Variants in TRAF4 observed in about 807,000 individuals in gnomAD.
The protein encoded by TRAF4 is TNF receptor-associated factor 4.
In TRAF4, 9 loss-of-function variants were observed where a neutral mutation model predicts 47.3. The ratio of observed to expected loss-of-function variants is 0.19; its 90% CI spans 0.11 to 0.33. The LOEUF (loss-of-function observed/expected upper bound fraction) is 0.33. Ranked by LOEUF, TRAF4 falls within the 10% of genes least tolerant of loss-of-function variation. TRAF4 has a pLI of 1.00. For synonymous variants in TRAF4, 236 were observed against 236.9 expected, an observed-to-expected ratio of 1.00 and a Z score of 0.04; for missense variants, 448 against 620.3, an observed-to-expected ratio of 0.72 and a Z score of 2.95.
intron 1 of TRAF4, chr17:28,746,933 G>A: frequency 2.7e-6 from 1 of 369,170 alleles, no homozygotes; most frequent in Non-Finnish European, 4.9e-6. Flanking sequence ...CTGCCATCCT[G>A]GGGGAGGGGG....
At chr17:28,748,792 C>T in intron 6 of TRAF4, 126 bp downstream of exon 6, 2 of 1,490,682 alleles carry the variant, frequency 1.3e-6, no homozygotes, top group Non-Finnish European at 8.9e-7. Flanking sequence ...GTCCTTCCCT[C>T]TGCTGCCAGC....
chr17:28,749,641 T>C lies in TRAF4; in HGVS notation c.*64T>C. The C allele has an allele frequency of 6.3e-7, 1 of 1,580,358 alleles. No individual in the cohort carries two copies. The highest frequency in any genetic ancestry group is 1.8e-4 in the Middle Eastern group (1 of 5,682). Reference sequence around the variant, plus strand: ...GACCTCAGTCAGGCACTGGCTGAACTTGGAGAGGGGGCCGGACCCCCGTCA... The same window carrying C: ...GACCTCAGTCAGGCACTGGCTGAACCTGGAGAGGGGGCCGGACCCCCGTCA... On this transcript the variant is annotated 3_prime_UTR_variant, in exon 7 of 7. Coordinates refer to ENST00000262395, the MANE Select transcript of TRAF4 (RefSeq NM_004295.4).
chr17:28,747,958 G>C lies in TRAF4; in HGVS notation c.300+11G>C. On this transcript the variant is annotated intron_variant, in intron 3 of 6. Transcript: ENST00000262395. ...CTACGTCATCTACAGGTGAGGCTCT[G>C]ATGTGAGGGCTGGCACCACCTCTCC... is the stretch of plus-strand genomic sequence containing the variant. The C allele has an allele frequency of 6.2e-7, 1 of 1,614,138 alleles. No homozygotes were observed.
At chr17:28,745,061 G>C (rs1359334855) in intron 1 of TRAF4, 1 of 152,396 alleles carries the variant, frequency 6.6e-6, no homozygotes, top group East Asian at 1.9e-4. Flanking sequence ...GTGGGAAGCA[G>C]GGTGAAGGAG....
intron 1 of TRAF4, 26 bp downstream of exon 1, chr17:28,744,281 C>A: frequency 5.7e-6 from 1 of 174,020 alleles, no homozygotes; most frequent in Non-Finnish European, 1.0e-5. Flanking sequence ...CAGGGGACAG[C>A]GGGGGCGGGG....
At chr17:28,746,479 G>C (rs2034514637) in intron 1 of TRAF4, among the ~76,000 whole-genome samples, 1 of 152,214 alleles carries the variant, frequency 6.6e-6, no homozygotes, top group Non-Finnish European at 1.5e-5. Context: ...AGCTGTGCTT[G>C]CTGGACATTT....
At position 28,749,201 on chromosome 17, in the gene TRAF4, T is replaced by C; in HGVS notation, c.1037T>C (p.Leu346Pro). 6.2e-7 allele frequency: 1 copy of C among 1,614,106 alleles called. No homozygotes were observed. Among genetic ancestry groups the C allele is most frequent in the Non-Finnish European group, 8.5e-7 (1 of 1,180,048 alleles). The change falls in exon 7 of 7, where the codon CTG becomes CCG. Residue 346 changes from leucine (L) to proline (P), a missense_variant. By Grantham distance (98) the Leu-to-Pro change is moderately conservative. Coordinates refer to ENST00000262395, the MANE Select transcript of TRAF4 (RefSeq NM_004295.4). The part of the protein sequence containing the change: ...AFYTHKYGYK[L>P]QVSAFLNGNG... ...TACACACATAAGTATGGTTACAAGCTGCAGGTGTCTGCATTCCTCAATGGC... is the reference window on the plus strand; with the variant it reads ...TACACACATAAGTATGGTTACAAGCCGCAGGTGTCTGCATTCCTCAATGGC...
intron 2 of TRAF4, chr17:28,747,614 C>T: frequency 1.7e-6 from 1 of 593,568 alleles, no homozygotes; most frequent in South Asian, 2.1e-5. Context: ...ATTGAGCAGG[C>T]TGATTGGCTG....
chr17:28,749,225 G>A lies in TRAF4; in HGVS notation c.1061G>A (p.Gly354Asp). ...YKLQVSAFLN[G>D]NGSGEGTHLS... ...CTGCAGGTGTCTGCATTCCTCAATG[G>A]CAATGGCAGTGGTGAGGGCACACAC... Residue 354 changes from glycine (G) to aspartate (D), a missense_variant, in exon 7 of 7, where the codon GGC becomes GAC. Coordinates refer to ENST00000262395, the MANE Select transcript of TRAF4 (RefSeq NM_004295.4). 1 of 1,614,098 alleles carries A rather than the reference G, an allele frequency of 6.2e-7. No individual in the cohort carries two copies. The highest frequency in any genetic ancestry group is 8.5e-7 in the Non-Finnish European group (1 of 1,180,048).
In TRAF4 at chr17:28,744,060, G is replaced by C. The variant is rs1404298263; in HGVS notation, c.-53G>C. On this transcript the variant is annotated 5_prime_UTR_variant, in exon 1 of 7. Coordinates refer to ENST00000262395, the MANE Select transcript of TRAF4 (RefSeq NM_004295.4). ...GCGCCGCTCCAGCGAGGCGCGGGCT[G>C]TGGGGCCGCCGCGTGCCTGGCCCCG... The C allele has an allele frequency of 7.9e-6, 10 of 1,269,880 alleles. No individual in the cohort carries two copies. Among genetic ancestry groups the C allele is most frequent in the African/African-American group, 1.6e-5 (1 of 62,666 alleles). 78.7% of individuals were successfully genotyped at this position (1,269,880 alleles called of 1,614,324 possible).
chr17:28,745,772 C>T (rs1393117050), intron 1 of TRAF4, among the ~76,000 whole-genome samples: 1 of 152,230 alleles, frequency 6.6e-6, no homozygotes, highest in East Asian at 1.9e-4. Context: ...TCACCCGCCA[C>T]GGTACAAGCA....
chr17:28,748,893 C>A, intron 6 of TRAF4, 52 bp from the exon 7 acceptor site: 2 of 1,560,766 alleles, frequency 1.3e-6, no homozygotes, highest in Admixed American at 3.6e-5. Flanking sequence ...CTGGACCTCC[C>A]CCTACTGATA....
Position 28,749,550 on chromosome 17 carries a change from T to G in TRAF4, c.1386T>G (p.Val462=). The G allele has an allele frequency of 6.2e-7, 1 of 1,613,340 alleles. No homozygotes were observed. The highest frequency in any genetic ancestry group is 8.5e-7 in the Non-Finnish European group (1 of 1,179,780). ...ATGCAGTCTTCATCCGTGCTGCTGT[T>G]GAACTGCCCCGGAAGATCCTCAGCT... is the stretch of plus-strand genomic sequence containing the variant. ...RDDAVFIRAA[V]ELPRKILS is the part of the protein sequence containing the mutation. Residue 462 remains valine, a synonymous_variant, in exon 7 of 7, where the codon GTT becomes GTG. Coordinates refer to ENST00000262395, the MANE Select transcript of TRAF4 (RefSeq NM_004295.4).
At chr17:28,746,239 C>T (rs993874802) in intron 1 of TRAF4, among the ~76,000 whole-genome samples, 1 of 152,220 alleles carries the variant, frequency 6.6e-6, no homozygotes, top group African/African-American at 2.4e-5. Context: ...ATGCCCTGCC[C>T]CAGGGCCCTG....
At position 28,747,956 on chromosome 17, in the gene TRAF4, C is replaced by T; in HGVS notation, c.300+9C>T. ...CACTACGTCATCTACAGGTGAGGCT[C>T]TGATGTGAGGGCTGGCACCACCTCT... is the stretch of plus-strand genomic sequence containing the variant. On this transcript the variant is annotated intron_variant, in intron 3 of 6. Coordinates refer to ENST00000262395, the MANE Select transcript of TRAF4 (RefSeq NM_004295.4). The T allele has an allele frequency of 1.9e-6, 3 of 1,614,136 alleles. No homozygotes were observed.
chr17:28,744,264 C>G lies in TRAF4; in HGVS notation c.143+9C>G, dbSNP rs759285337. 2 of 466,164 alleles carry G rather than the reference C, an allele frequency of 4.3e-6. No individual in the cohort carries two copies. Among genetic ancestry groups the G allele is most frequent in the South Asian group, 3.7e-5 (2 of 54,640 alleles). 28.9% of individuals were successfully genotyped at this position (466,164 alleles called of 1,614,324 possible). A position where few individuals can be genotyped will look rare whatever the true frequency, so the allele number is the denominator to read the frequency against. ...CTGCAGGAGTTCCTCAGGTGCTGGC[C>G]GGGGAGCAGGGGACAGCGGGGGCGG... is the stretch of plus-strand genomic sequence containing the variant. On this transcript the variant is annotated intron_variant, in intron 1 of 6. Transcript: ENST00000262395.
Position 28,744,024 on chromosome 17 carries a change from C to T in TRAF4, c.-89C>T, listed in dbSNP as rs1337472728. On this transcript the variant is annotated 5_prime_UTR_variant, in exon 1 of 7. Transcript: ENST00000262395. The stretch of plus-strand genomic sequence containing the variant: ...GCCGCGACCGCCAGTCGGCGCCGCC[C>T]GGAGCCGGGAGCGCCGCTCCAGCGA... 5.8e-6 allele frequency: 6 copies of T among 1,029,116 alleles called. No individual in the cohort carries two copies. The highest frequency in any genetic ancestry group is 7.0e-6 in the Non-Finnish European group (6 of 861,170). The allele number at this position is 1,029,116 out of a possible 1,614,324, so 63.7% of individuals were successfully genotyped here. A position where few individuals can be genotyped will look rare whatever the true frequency, so the allele number is the denominator to read the frequency against.
Position 28,747,851 on chromosome 17 carries a change from A to T in TRAF4, c.204A>T (p.Pro68=). ...CCCATCCCTACCCCCAGATCTACCC[A>T]GACCCGGAGCTGGAAGTACAAGTAT... is the stretch of plus-strand genomic sequence containing the variant. ...QLPLDYAKIY[P]DPELEVQVLG... Residue 68 remains proline (P), a synonymous_variant, in exon 3 of 7, where the codon CCA becomes CCT. Transcript: ENST00000262395. 6.2e-7 allele frequency: 1 copy of T among 1,613,416 alleles called. No homozygotes were observed. Among genetic ancestry groups the T allele is most frequent in the African/African-American group, 1.3e-5 (1 of 74,902 alleles).
Position 28,744,077 on chromosome 17 carries a change from C to G in TRAF4, c.-36C>G. The stretch of plus-strand genomic sequence containing the variant: ...CGCGGGCTGTGGGGCCGCCGCGTGC[C>G]TGGCCCCGCTCGCCCGTGCCGGCCG... On this transcript the variant is annotated 5_prime_UTR_variant, in exon 1 of 7. Coordinates refer to ENST00000262395, the MANE Select transcript of TRAF4 (RefSeq NM_004295.4). 1 of 1,435,088 alleles carries G rather than the reference C, an allele frequency of 7.0e-7. No homozygotes were observed. The highest frequency in any genetic ancestry group is 9.2e-7 in the Non-Finnish European group (1 of 1,090,290). The allele number at this position is 1,435,088 out of a possible 1,614,324, so 88.9% of individuals were successfully genotyped here. A position where few individuals can be genotyped will look rare whatever the true frequency, so the allele number is the denominator to read the frequency against.
Sources: allele counts gnomAD v4.1 joint callset (sites outside exome capture counted in the v4.1 genomes callset), GRCh38; gene constraint gnomAD v4.1.1; transcripts MANE v1.5; gene names NCBI Gene and HGNC (gene_info 2026-07-23, HGNC 2026-07-21).